Variants in SSBP2 observed in about 807,000 individuals in gnomAD.
The protein encoded by SSBP2 is single stranded DNA binding protein 2, also known as single-stranded DNA-binding protein 2.
SSBP2 carries 17 observed loss-of-function variants against 61.8 expected under a neutral mutation model. That is an observed-to-expected ratio of 0.28 (90% CI 0.19 to 0.41). The LOEUF (loss-of-function observed/expected upper bound fraction) is 0.41, where lower values mean the gene tolerates loss of function less well. SSBP2 is among the 10% of genes least tolerant of loss of function. The probability of loss-of-function intolerance (pLI) is 1.00; values close to 1 mark genes in which losing one functional copy is unlikely to be tolerated. For synonymous variants in SSBP2, 139 were observed against 141.3 expected (o/e 0.98, Z 0.12); for missense variants, 310 against 458.7 (o/e 0.68, Z 2.96).
intron 4 of SSBP2, among the ~76,000 whole-genome samples, chr5:81,561,844 TA>T (rs955931975): frequency 1.3e-5 from 2 of 152,170 alleles, no homozygotes; most frequent in Non-Finnish European, 2.9e-5. Context: ...GTCACAACTT[TA>T]AAAAAATCAC....
At position 81,601,086 on chromosome 5, in the gene SSBP2, A is replaced by C. The variant is rs188616685; in HGVS notation, c.282+14387T>G. On this transcript the variant is annotated intron_variant, in intron 4 of 16. Coordinates refer to ENST00000320672, the MANE Select transcript of SSBP2 (RefSeq NM_012446.5). The stretch of plus-strand genomic sequence containing the variant: ...GCAGCGAAAAATAGTAAGCTTAATT[A>C]GTTTTTACCAGTATACTAGTTGTTT... 2.1e-3 allele frequency among the ~76,000 whole-genome samples: 318 copies of C among 152,320 alleles called. 1 individual carries two copies. The highest frequency in any genetic ancestry group is 3.6e-3 in the Non-Finnish European group (248 of 68,030).
At chr5:81,537,930 A>C (rs1770939685) in intron 4 of SSBP2, among the ~76,000 whole-genome samples, 1 of 152,156 alleles carries the variant, frequency 6.6e-6, no homozygotes, top group South Asian at 2.1e-4. Flanking sequence ...TTTTAAAACA[A>C]AAGCTAAAAA....
At position 81,601,645 on chromosome 5, in the gene SSBP2, C is replaced by T. The variant is rs1009937589; in HGVS notation, c.282+13828G>A. On this transcript the variant is annotated intron_variant, in intron 4 of 16. Coordinates refer to ENST00000320672, the MANE Select transcript of SSBP2 (RefSeq NM_012446.5). ...AAGTAAAAAGTTTAATAAAACATGT[C>T]AATCCGGCAGAATTTGCTCTGTGAC... Among the ~76,000 whole-genome samples the T allele has an allele frequency of 5.3e-5, 8 of 152,124 alleles. No homozygotes were observed. The East Asian group carries it at 1.5e-3, about 29-fold the overall frequency.
chr5:81,561,466 G>A (rs968424870), intron 4 of SSBP2, among the ~76,000 whole-genome samples: 1 of 152,038 alleles, frequency 6.6e-6, no homozygotes, highest in African/African-American at 2.4e-5. Context: ...ATCCAAACCA[G>A]TAGCCTCAGG....
chr5:81,658,047 T>C (rs1452070418), intron 1 of SSBP2, among the ~76,000 whole-genome samples: 1 of 152,200 alleles, frequency 6.6e-6, no homozygotes, highest in Non-Finnish European at 1.5e-5. Context: ...TTATCTTTTC[T>C]GTGTGTGGTG....
At chr5:81,437,878 T>G (rs115918636) in intron 14 of SSBP2, 1,976 of 152,422 alleles carry the variant, frequency 0.013, 11 homozygotes, top group Non-Finnish European at 0.019. Flanking sequence ...GCGACAATGT[T>G]TGACAATATT....
intron 4 of SSBP2, among the ~76,000 whole-genome samples, chr5:81,595,998 CAGG>C (rs531055975): frequency 1.0e-3 from 157 of 152,184 alleles, no homozygotes; most frequent in African/African-American, 3.5e-3. Context: ...GTTGGATAGG[CAGG>C]AGAAGGAAAT....
At chr5:81,689,705 G>A (rs73137649) in intron 1 of SSBP2, among the ~76,000 whole-genome samples, 2,284 of 152,110 alleles carry the variant, frequency 0.015, 60 homozygotes, top group African/African-American at 0.052. Context: ...ATGCTAAAGG[G>A]AGTTATTTAA....
intron 1 of SSBP2, among the ~76,000 whole-genome samples, chr5:81,729,832 C>CT (rs1329906241): frequency 1.3e-5 from 2 of 151,706 alleles, no homozygotes; most frequent in Non-Finnish European, 2.9e-5. Flanking sequence ...ATAAGCTAGA[C>CT]TTAGACATCT....
intron 4 of SSBP2, among the ~76,000 whole-genome samples, chr5:81,533,556 G>A (rs1770579140): frequency 6.6e-6 from 1 of 152,000 alleles, no homozygotes. Context: ...CGCCATGTAA[G>A]AACTTGGAAG....
At chr5:81,560,878 G>C (rs934516247) in intron 4 of SSBP2, among the ~76,000 whole-genome samples, 1 of 152,048 alleles carries the variant, frequency 6.6e-6, no homozygotes, top group Non-Finnish European at 1.5e-5. Context: ...AAGACCTACT[G>C]TCTTAACAAA....
At chr5:81,428,744 T>C (rs1762109452) in intron 15 of SSBP2, 61 bp from the exon 16 acceptor site, 1 of 1,224,332 alleles carries the variant, frequency 8.2e-7, no homozygotes, top group African/African-American at 1.5e-5. Flanking sequence ...TCTTGCACTG[T>C]ACTGTTTCGA....
At chr5:81,669,771 C>T (rs1224789909) in intron 1 of SSBP2, among the ~76,000 whole-genome samples, 3 of 150,564 alleles carry the variant, frequency 2.0e-5, no homozygotes, top group Non-Finnish European at 4.4e-5. Flanking sequence ...CATGTATCCC[C>T]TTTTTTTTGT....
At chr5:81,496,785 C>T (rs943518522) in intron 5 of SSBP2, among the ~76,000 whole-genome samples, 6 of 152,116 alleles carry the variant, frequency 3.9e-5, no homozygotes, top group African/African-American at 1.4e-4. Context: ...CCATTTTAGT[C>T]TTCTTTTCTT....
chr5:81,480,320 C>T (rs554423235), intron 6 of SSBP2, among the ~76,000 whole-genome samples: 2 of 152,258 alleles, frequency 1.3e-5, no homozygotes, highest in South Asian at 4.1e-4. Flanking sequence ...AAGTGAATAT[C>T]ACATTAAGTG....
intron 5 of SSBP2, among the ~76,000 whole-genome samples, chr5:81,504,507 C>T (rs1390551895): frequency 1.3e-5 from 2 of 152,204 alleles, no homozygotes; most frequent in African/African-American, 4.8e-5. Flanking sequence ...GGCCTTTGCA[C>T]TTGTTTGTCC....
At chr5:81,468,458 C>T (rs1317175559) in intron 8 of SSBP2, among the ~76,000 whole-genome samples, 1 of 151,906 alleles carries the variant, frequency 6.6e-6, no homozygotes, top group African/African-American at 2.4e-5. Context: ...ACCCACACTA[C>T]CTGTCAAATA....
intron 1 of SSBP2, among the ~76,000 whole-genome samples, chr5:81,662,613 C>T (rs1217768498): frequency 2.0e-5 from 3 of 151,978 alleles, no homozygotes; most frequent in Admixed American, 1.3e-4. Context: ...ACCAGCCTGG[C>T]CAAGATGGTG....
intron 16 of SSBP2, among the ~76,000 whole-genome samples, chr5:81,421,805 T>C (rs1382368012): frequency 3.3e-5 from 5 of 152,180 alleles, no homozygotes; most frequent in African/African-American, 4.8e-5. Flanking sequence ...TCACTAGCCA[T>C]ATGTGCCTAC....
Sources: gnomAD v4.1 joint callset for allele counts (sites outside exome capture counted in the v4.1 genomes callset) on GRCh38, gnomAD v4.1.1 for gene constraint, MANE v1.5 for transcripts, NCBI Gene and HGNC (gene_info 2026-07-23, HGNC 2026-07-21) for gene names.